CD160: variants seen among roughly 807,000 people sequenced by gnomAD.
CD160 encodes the protein CD160 antigen.
In CD160, 11 loss-of-function variants were observed where a neutral mutation model predicts 19.2. The ratio of observed to expected loss-of-function variants is 0.57; its 90% CI spans 0.36 to 0.95. The LOEUF (loss-of-function observed/expected upper bound fraction) is 0.95, where lower values mean the gene tolerates loss of function less well. CD160 is among the 40% of genes least tolerant of loss of function. CD160 has a pLI of 0.01. For synonymous variants in CD160, 75 were observed against 81.1 expected, an observed-to-expected ratio of 0.93 and a Z score of 0.40; for missense variants, 182 against 213.2, an observed-to-expected ratio of 0.85 and a Z score of 0.91.
At position 145,719,922 on chromosome 1, in the gene CD160, G is replaced by A. The variant is rs976759045; in HGVS notation, c.-179+363G>A. 2.6e-5 allele frequency among the ~76,000 whole-genome samples: 4 copies of A among 152,200 alleles called. No homozygotes were observed. In the South Asian group the frequency reaches 6.2e-4, roughly 24 times the overall value. ...GGAGCTGGCCCTGTGAGGCACCTCC[G>A]GGGGAAGTTCATGTCCTAGGTGGTT... On this transcript the variant is annotated intron_variant, in intron 1 of 5. Coordinates refer to ENST00000369288, the MANE Select transcript of CD160 (RefSeq NM_007053.4).
chr1:145,728,224 G>A, intron 2 of CD160, 32 bp from the exon 3 acceptor site: 1 of 777,600 alleles, frequency 1.3e-6, no homozygotes. Flanking sequence ...ACCCTGGAAG[G>A]CTTTGTCTAG....
intron 1 of CD160, among the ~76,000 whole-genome samples, chr1:145,723,895 T>C (rs1396929446): frequency 1.3e-5 from 2 of 152,184 alleles, no homozygotes; most frequent in Non-Finnish European, 2.9e-5. Flanking sequence ...GTTTCTATTT[T>C]TTTGGTATTA....
In CD160 at chr1:145,721,643, G is replaced by C. The variant is rs1338964195; in HGVS notation, c.-179+2084G>C. Among the ~76,000 whole-genome samples, 3 of 152,072 alleles carry C rather than the reference G, an allele frequency of 2.0e-5. No individual in the cohort carries two copies. The East Asian group carries it at 5.8e-4, about 29-fold the overall frequency. ...CCATCCCGCTGCACCAGTCCCTTAG[G>C]AAACACGCCTAGAGAAGGGACACGA... On this transcript the variant is annotated intron_variant, in intron 1 of 5. Transcript: ENST00000369288.
In CD160 at chr1:145,730,781, A is replaced by G; in HGVS notation, c.111A>G (p.Gly37=). ...TCACCAGCTCAGCTTCCCAGGAAGG[A>G]ACGCGACTAAACTTAATCTGTACTG... ...INITSSASQE[G]TRLNLICTVW... Residue 37 remains glycine, a synonymous_variant, in exon 4 of 6, where the codon GGA becomes GGG. Transcript: ENST00000369288. The G allele has an allele frequency of 6.2e-7, 1 of 1,613,956 alleles. No individual in the cohort carries two copies. Among genetic ancestry groups the G allele is most frequent in the Non-Finnish European group, 8.5e-7 (1 of 1,180,026 alleles).
chr1:145,732,974 G>A (rs1188612154), intron 4 of CD160, among the ~76,000 whole-genome samples: 2 of 152,124 alleles, frequency 1.3e-5, no homozygotes, highest in Admixed American at 6.6e-5. Context: ...AGCAATATGA[G>A]CATATTATTT....
At chr1:145,722,862 G>A (rs1419397514) in intron 1 of CD160, among the ~76,000 whole-genome samples, 9 of 152,134 alleles carry the variant, frequency 5.9e-5, no homozygotes, top group Non-Finnish European at 1.3e-4. Flanking sequence ...CCAAAGTGCT[G>A]GGATTACAGG....
intron 1 of CD160, among the ~76,000 whole-genome samples, chr1:145,724,075 T>C (rs1051026874): frequency 2.0e-5 from 3 of 152,206 alleles, no homozygotes; most frequent in Non-Finnish European, 2.9e-5. Context: ...GAGTGAATGA[T>C]TGCACATATT....
At chr1:145,727,162 A>G (rs1553708499) in intron 2 of CD160, among the ~76,000 whole-genome samples, 1 of 152,142 alleles carries the variant, frequency 6.6e-6, no homozygotes, top group Non-Finnish European at 1.5e-5. Context: ...TAAAACACAT[A>G]CACACATAGA....
At chr1:145,737,141 G>T in intron 5 of CD160, 1 of 151,848 alleles carries the variant, frequency 6.6e-6, no homozygotes, top group Non-Finnish European at 1.5e-5. Context: ...CACAACTGTA[G>T]TCCCAAGCTA....
chr1:145,722,933 C>T (rs587630908), intron 1 of CD160, among the ~76,000 whole-genome samples: 1 of 152,334 alleles, frequency 6.6e-6, no homozygotes, highest in African/African-American at 2.4e-5. Context: ...AACACAAACA[C>T]TCTGGCTCTA....
chr1:145,732,683 A>G (rs1290029419), intron 4 of CD160, among the ~76,000 whole-genome samples: 2 of 152,226 alleles, frequency 1.3e-5, no homozygotes, highest in Non-Finnish European at 2.9e-5. Context: ...AGAAATGGAT[A>G]TGGAAAACTC....
At position 145,730,817 on chromosome 1, in the gene CD160, G is replaced by A; in HGVS notation, c.147G>A (p.Lys49=). 1 of 1,614,152 alleles carries A rather than the reference G, an allele frequency of 6.2e-7. No homozygotes were observed. Among genetic ancestry groups the A allele is most frequent in the Non-Finnish European group, 8.5e-7 (1 of 1,180,008 alleles). The change falls in exon 4 of 6, where the codon AAG becomes AAA. Residue 49 remains lysine, a synonymous_variant. Coordinates refer to ENST00000369288, the MANE Select transcript of CD160 (RefSeq NM_007053.4). The part of the protein sequence containing the change: ...RLNLICTVWH[K]KEEAEGFVVF... ...ACTTAATCTGTACTGTATGGCATAA[G>A]AAAGAAGAGGCTGAGGGGTTTGTAG... is the stretch of plus-strand genomic sequence containing the variant.
intron 1 of CD160, among the ~76,000 whole-genome samples, chr1:145,720,025 A>G (rs1359244293): frequency 1.3e-5 from 2 of 152,148 alleles, no homozygotes; most frequent in African/African-American, 4.8e-5. Context: ...ATACATCTTT[A>G]TTTTCACTAA....
At chr1:145,722,360 G>T (rs1656885076) in intron 1 of CD160, among the ~76,000 whole-genome samples, 1 of 152,126 alleles carries the variant, frequency 6.6e-6, no homozygotes, top group East Asian at 1.9e-4. Context: ...TACACAGATA[G>T]TTAAGTTTCA....
chr1:145,730,961 C>T lies in CD160; in HGVS notation c.291C>T (p.Phe97=), dbSNP rs1352814553. The T allele has an allele frequency of 6.2e-7, 1 of 1,614,130 alleles. No individual in the cohort carries two copies. The highest frequency in any genetic ancestry group is 8.5e-7 in the Non-Finnish European group (1 of 1,179,996). Residue 97 remains phenylalanine, a synonymous_variant, in exon 4 of 6, where the codon TTC becomes TTT. Transcript: ENST00000369288. ...GVGEISSQLM[F]TISQVTPLHS... ...GTGAAATATCATCTCAGTTGATGTT[C>T]ACCATAAGCCAAGTCACACCGTTGC... is the stretch of plus-strand genomic sequence containing the variant.
chr1:145,726,296 G>A (rs943171885), intron 2 of CD160, among the ~76,000 whole-genome samples: 7 of 152,104 alleles, frequency 4.6e-5, no homozygotes, highest in African/African-American at 1.4e-4. Flanking sequence ...GTTTATTGTG[G>A]TACTATTCAC....
At chr1:145,723,229 G>GA (rs782168853) in intron 1 of CD160, among the ~76,000 whole-genome samples, 21 of 152,238 alleles carry the variant, frequency 1.4e-4, no homozygotes, top group Non-Finnish European at 2.6e-4. Flanking sequence ...GATAAGTACA[G>GA]AAGAATTTAA....
chr1:145,720,420 C>T (rs891467150), intron 1 of CD160, among the ~76,000 whole-genome samples: 24 of 152,156 alleles, frequency 1.6e-4, no homozygotes, highest in Admixed American at 1.6e-3. Context: ...GTGTGTTGAG[C>T]AGGAAGCCTG....
chr1:145,731,721 C>T (rs1426349109), intron 4 of CD160, among the ~76,000 whole-genome samples: 1 of 152,012 alleles, frequency 6.6e-6, no homozygotes, highest in Non-Finnish European at 1.5e-5. Flanking sequence ...CCTCCTGATT[C>T]CCAATTCAGA....
Sources: gnomAD v4.1 joint callset for allele counts (sites outside exome capture counted in the v4.1 genomes callset) on GRCh38, gnomAD v4.1.1 for gene constraint, MANE v1.5 for transcripts, NCBI Gene and HGNC (gene_info 2026-07-23, HGNC 2026-07-21) for gene names.